The following ZBTB20 variants were observed in gnomAD, a reference collection of about 807,000 sequenced individuals.
The protein encoded by ZBTB20 is zinc finger and BTB domain containing 20, also known as zinc finger and BTB domain-containing protein 20.
In ZBTB20, 9 loss-of-function variants were observed where a neutral mutation model predicts 56.9. The ratio of observed to expected loss-of-function variants is 0.16; its 90% CI spans 0.10 to 0.28. The LOEUF is 0.28. Ranked by LOEUF, ZBTB20 falls within the 10% of genes least tolerant of loss-of-function variation. The pLI, the probability that ZBTB20 is intolerant of heterozygous loss-of-function variation, is 1.00. For missense variants in ZBTB20, 655 were observed against 1,003.0 expected (o/e 0.65, Z 4.69); for synonymous variants, 417 against 420.7 (o/e 0.99, Z 0.11).
At chr3:115,121,390 A>T (rs1193991456) in intron 1 of ZBTB20, among the ~76,000 whole-genome samples, 2 of 151,890 alleles carry the variant, frequency 1.3e-5, no homozygotes, top group African/African-American at 4.8e-5. Flanking sequence ...GGAGTAGCTG[A>T]ACTGATTTAA....
intron 2 of ZBTB20, among the ~76,000 whole-genome samples, chr3:115,015,191 AC>A (rs1281772595): frequency 4.6e-5 from 7 of 151,990 alleles, no homozygotes; most frequent in East Asian, 3.9e-4. Context: ...ATACAAAAAA[AC>A]ATATTCTAGA....
rs143364965 is a variant in ZBTB20, at chr3:114,673,446, C to T, written c.-295+20082G>A. Among the ~76,000 whole-genome samples the T allele has an allele frequency of 3.4e-3, 519 of 152,204 alleles. 1 individual carries two copies. Among genetic ancestry groups the T allele is most frequent in the Non-Finnish European group, 5.5e-3 (371 of 68,028 alleles). On this transcript the variant is annotated intron_variant, in intron 6 of 11. Transcript: ENST00000675478. ...ATAATTATTATAATAATAATAACCT[C>T]GACTATTTAACTGATCAGTGAATTA... is the stretch of plus-strand genomic sequence containing the variant.
At chr3:115,089,951 G>T (rs1489937293) in intron 1 of ZBTB20, among the ~76,000 whole-genome samples, 1 of 151,784 alleles carries the variant, frequency 6.6e-6, no homozygotes, top group Non-Finnish European at 1.5e-5. Flanking sequence ...GAGAGATGAG[G>T]ATAAATTCAG....
intron 5 of ZBTB20, among the ~76,000 whole-genome samples, chr3:114,740,362 C>T (rs746115606): frequency 6.6e-6 from 1 of 152,078 alleles, no homozygotes; most frequent in Non-Finnish European, 1.5e-5. Flanking sequence ...AATAGAGATC[C>T]ATCGACCAGA....
chr3:115,059,974 A>G (rs1444999617), intron 2 of ZBTB20, among the ~76,000 whole-genome samples: 1 of 152,212 alleles, frequency 6.6e-6, no homozygotes, highest in Non-Finnish European at 1.5e-5. Context: ...TCTTTGAATA[A>G]CCTGAAAATT....
chr3:114,967,722 C>T (rs1348813602), intron 3 of ZBTB20, among the ~76,000 whole-genome samples: 3 of 151,888 alleles, frequency 2.0e-5, no homozygotes, highest in African/African-American at 4.8e-5. Context: ...TTTGGGAGGC[C>T]GAAGCGGGTG....
intron 6 of ZBTB20, among the ~76,000 whole-genome samples, chr3:114,543,609 T>C (rs1241267442): frequency 6.6e-6 from 1 of 152,232 alleles, no homozygotes; most frequent in Non-Finnish European, 1.5e-5. Context: ...CTATAAACTC[T>C]ATTAGAAAAC....
At chr3:114,525,620 C>G (rs918958873) in intron 6 of ZBTB20, among the ~76,000 whole-genome samples, 6 of 152,118 alleles carry the variant, frequency 3.9e-5, no homozygotes, top group African/African-American at 1.4e-4. Flanking sequence ...TTTATATTTT[C>G]TAATTGTTTC....
chr3:115,136,296 A>T (rs1042103946), intron 1 of ZBTB20, among the ~76,000 whole-genome samples: 1 of 152,148 alleles, frequency 6.6e-6, no homozygotes, highest in African/African-American at 2.4e-5. Flanking sequence ...AACAATGCTA[A>T]ATTTGAACTC....
At chr3:114,851,910 T>C (rs1269471475) in intron 4 of ZBTB20, among the ~76,000 whole-genome samples, 1 of 152,162 alleles carries the variant, frequency 6.6e-6, no homozygotes, top group Non-Finnish European at 1.5e-5. Flanking sequence ...AAGTTATTGG[T>C]CTTTTTTCTT....
At chr3:114,739,477 C>T (rs2066421848) in intron 5 of ZBTB20, among the ~76,000 whole-genome samples, 1 of 152,192 alleles carries the variant, frequency 6.6e-6, no homozygotes, top group Non-Finnish European at 1.5e-5. Context: ...TAAGCCAGCT[C>T]CTCCTCTGTG....
rs146662375 is a variant in ZBTB20, at chr3:114,619,038, A to G, written c.-295+74490T>C. On this transcript the variant is annotated intron_variant, in intron 6 of 11. Coordinates refer to ENST00000675478, the MANE Select transcript of ZBTB20 (RefSeq NM_001348800.3). ...TTTTGCCCTTCGGAGTGGTTTGTAC[A>G]TGACTACCCAGGAGGACATTGTGTT... 3.2e-3 allele frequency among the ~76,000 whole-genome samples: 492 copies of G among 152,272 alleles called. 2 individuals are homozygous for G. Among genetic ancestry groups the G allele is most frequent in the Non-Finnish European group, 5.2e-3 (356 of 68,014 alleles).
intron 5 of ZBTB20, among the ~76,000 whole-genome samples, chr3:114,717,137 A>G (rs925789968): frequency 6.6e-6 from 1 of 152,130 alleles, no homozygotes; most frequent in Non-Finnish European, 1.5e-5. Flanking sequence ...TTCCTTTTCC[A>G]TTAAAACAAA....
chr3:114,607,845 A>C (rs2057285168), intron 6 of ZBTB20, among the ~76,000 whole-genome samples: 1 of 152,220 alleles, frequency 6.6e-6, no homozygotes, highest in African/African-American at 2.4e-5. Context: ...ATTCTCATGA[A>C]GCACAAAAAT....
chr3:115,013,959 T>C (rs780073294), intron 2 of ZBTB20, among the ~76,000 whole-genome samples: 66 of 151,564 alleles, frequency 4.4e-4, no homozygotes, highest in African/African-American at 1.4e-3. Context: ...GAAATGAGTA[T>C]ATTGAAGATA....
intron 6 of ZBTB20, among the ~76,000 whole-genome samples, chr3:114,569,638 T>A (rs867834246): frequency 6.6e-6 from 1 of 152,208 alleles, no homozygotes; most frequent in Non-Finnish European, 1.5e-5. Flanking sequence ...GGTGTTGATG[T>A]CCATAGGTGA....
chr3:115,136,501 C>T (rs1276151393), intron 1 of ZBTB20, among the ~76,000 whole-genome samples: 1 of 152,048 alleles, frequency 6.6e-6, no homozygotes, highest in African/African-American at 2.4e-5. Context: ...GTTACCTTTC[C>T]TAAGTGATGA....
At chr3:114,844,520 CAAAA>C (rs71146342) in intron 4 of ZBTB20, among the ~76,000 whole-genome samples, 28 of 22,798 alleles carry the variant, frequency 1.2e-3, no homozygotes, top group African/African-American at 1.7e-3. Flanking sequence ...GTCCCTGTCT[CAAAA>C]AAAAAAAAAA....
At chr3:114,968,178 T>C (rs573794719) in intron 3 of ZBTB20, among the ~76,000 whole-genome samples, 1 of 152,236 alleles carries the variant, frequency 6.6e-6, no homozygotes, top group South Asian at 2.1e-4. Context: ...ATTTCCACAT[T>C]TATTCCAAAA....
Sources: gnomAD v4.1 joint callset for allele counts (sites outside exome capture counted in the v4.1 genomes callset) on GRCh38, gnomAD v4.1.1 for gene constraint, MANE v1.5 for transcripts, NCBI Gene and HGNC (gene_info 2026-07-23, HGNC 2026-07-21) for gene names.